USP46: variants seen among roughly 807,000 people sequenced by gnomAD.
The protein encoded by USP46 is ubiquitin specific peptidase 46.
In USP46, 12 loss-of-function variants were observed where a neutral mutation model predicts 44.4. The ratio of observed to expected loss-of-function variants is 0.27; its 90% CI spans 0.17 to 0.44. The LOEUF is 0.44. Among genes scored for constraint, USP46 ranks in the 20% least tolerant of loss-of-function variants. The pLI is 1.00. For missense variants in USP46, 248 were observed against 444.8 expected, an observed-to-expected ratio of 0.56 and a Z score of 3.98; for synonymous variants, 155 against 161.5, an observed-to-expected ratio of 0.96 and a Z score of 0.31.
rs1487292921 is a variant in USP46, at chr4:52,596,209, A to G, written c.*1431T>C. 1 of 152,646 alleles carries G rather than the reference A, an allele frequency of 6.6e-6. No homozygotes were observed. The highest frequency in any genetic ancestry group is 1.5e-5 in the Non-Finnish European group (1 of 68,048). 9.5% of individuals were successfully genotyped at this position (152,646 alleles called of 1,614,324 possible). ...ACATTTTCCATTTCAATTTTAGTTC[A>G]CATTATGCCCAAAGTTTGCATGTTC... On this transcript the variant is annotated 3_prime_UTR_variant, in exon 9 of 9. Coordinates refer to ENST00000441222, the MANE Select transcript of USP46 (RefSeq NM_022832.4).
At chr4:52,632,204 G>A (rs1044914767) in intron 1 of USP46, among the ~76,000 whole-genome samples, 4 of 152,162 alleles carry the variant, frequency 2.6e-5, no homozygotes, top group Non-Finnish European at 5.9e-5. Flanking sequence ...AGGCAGACTT[G>A]AGAGTCCACA....
At chr4:52,638,234 G>GT (rs1228453020) in intron 1 of USP46, among the ~76,000 whole-genome samples, 1 of 152,134 alleles carries the variant, frequency 6.6e-6, no homozygotes, top group Non-Finnish European at 1.5e-5. Context: ...GTGACGGGAC[G>GT]TGACAACAGA....
At chr4:52,628,286 C>G in intron 2 of USP46, 123 bp from the exon 3 acceptor site, 2 of 845,478 alleles carry the variant, frequency 2.4e-6, no homozygotes, top group East Asian at 2.7e-5. Flanking sequence ...GTATTGGAGT[C>G]CAGCTCACCA....
intron 7 of USP46, among the ~76,000 whole-genome samples, chr4:52,601,477 T>C (rs1373565146): frequency 6.6e-6 from 1 of 152,252 alleles, no homozygotes; most frequent in Admixed American, 6.5e-5. Context: ...CCATTGCTTC[T>C]AGTCTTTATT....
At chr4:52,618,969 G>A (rs893590739) in intron 4 of USP46, among the ~76,000 whole-genome samples, 3 of 152,090 alleles carry the variant, frequency 2.0e-5, no homozygotes, top group Non-Finnish European at 4.4e-5. Context: ...TGAGAAGCAC[G>A]GAAAAATCAG....
Position 52,616,819 on chromosome 4 carries a change from G to A in USP46, c.562-6202C>T, listed in dbSNP as rs553364773. Among the ~76,000 whole-genome samples the A allele has an allele frequency of 6.6e-5, 10 of 152,166 alleles. No individual in the cohort carries two copies. The East Asian group carries it at 1.7e-3, about 26-fold the overall frequency. ...CAAAATTAGAAATCAATACTATTAG[G>A]ATATATAAGAAAATCCCAAATATTT... On this transcript the variant is annotated intron_variant, in intron 4 of 8. Transcript: ENST00000441222.
In USP46 at chr4:52,597,573, G is replaced by A; in HGVS notation, c.*67C>T. On this transcript the variant is annotated 3_prime_UTR_variant, in exon 9 of 9. Transcript: ENST00000441222. ...GGGCCACTGGGGAAGAGGAAAGCCTGCGGAGAAGCCGGGTGACAGTGCTGT... is the reference window on the plus strand; with the variant it reads ...GGGCCACTGGGGAAGAGGAAAGCCTACGGAGAAGCCGGGTGACAGTGCTGT... 1 of 1,124,546 alleles carries A rather than the reference G, an allele frequency of 8.9e-7. No homozygotes were observed. Among genetic ancestry groups the A allele is most frequent in the Non-Finnish European group, 1.3e-6 (1 of 769,696 alleles). The allele number at this position is 1,124,546 out of a possible 1,614,324, so 69.7% of individuals were successfully genotyped here. A position where few individuals can be genotyped will look rare whatever the true frequency, so the allele number is the denominator to read the frequency against.
chr4:52,610,697 G>C (rs778915191), intron 4 of USP46, 80 bp from the exon 5 acceptor site: 1 of 1,333,464 alleles, frequency 7.5e-7, no homozygotes, highest in African/African-American at 1.4e-5. Context: ...GGTAATCACC[G>C]ACTGCAATAA....
intron 2 of USP46, chr4:52,629,812 C>T (rs1309190856): frequency 2.3e-6 from 1 of 440,390 alleles, no homozygotes; most frequent in South Asian, 1.6e-5. Context: ...CATTATGACC[C>T]CCACTTTACA....
intron 2 of USP46, among the ~76,000 whole-genome samples, chr4:52,629,953 G>C (rs1045888280): frequency 5.3e-5 from 8 of 152,130 alleles, no homozygotes; most frequent in Admixed American, 1.3e-4. Context: ...TTATATCATG[G>C]GCAGCATTTA....
At chr4:52,609,847 A>G (rs1253278123) in intron 5 of USP46, among the ~76,000 whole-genome samples, 10 of 136,040 alleles carry the variant, frequency 7.4e-5, no homozygotes, top group African/African-American at 2.8e-4. Context: ...CAACATACAC[A>G]TTTCTCCAGG....
chr4:52,658,664 A>C (rs1719051071), intron 1 of USP46, among the ~76,000 whole-genome samples: 1 of 152,214 alleles, frequency 6.6e-6, no homozygotes, highest in Admixed American at 6.5e-5. Flanking sequence ...TGCAAAGTGA[A>C]TTTTAAACAC....
At chr4:52,616,400 T>C (rs1009668257) in intron 4 of USP46, among the ~76,000 whole-genome samples, 1 of 151,830 alleles carries the variant, frequency 6.6e-6, no homozygotes, top group African/African-American at 2.4e-5. Context: ...TGAGACGGAG[T>C]CTTGCTTTGT....
intron 5 of USP46, among the ~76,000 whole-genome samples, chr4:52,607,651 G>C (rs1184331271): frequency 6.6e-6 from 1 of 152,078 alleles, no homozygotes; most frequent in Non-Finnish European, 1.5e-5. Flanking sequence ...GGATCACGGG[G>C]GCAGAATTCT....
At position 52,597,622 on chromosome 4, in the gene USP46, G is replaced by C; in HGVS notation, c.*18C>G. On this transcript the variant is annotated 3_prime_UTR_variant, in exon 9 of 9. Coordinates refer to ENST00000441222, the MANE Select transcript of USP46 (RefSeq NM_022832.4). ...GTGAACATTCTCCCCACGTGAATCA[G>C]TCCCGCAGGTCTTTCAGTTACTCTC... The C allele has an allele frequency of 2.0e-6, 3 of 1,526,614 alleles. No individual in the cohort carries two copies. The highest frequency in any genetic ancestry group is 2.7e-6 in the Non-Finnish European group (3 of 1,119,934). 94.6% of individuals were successfully genotyped at this position (1,526,614 alleles called of 1,614,324 possible).
chr4:52,658,922 C>T (rs1719063530), intron 1 of USP46, among the ~76,000 whole-genome samples, 193 bp downstream of exon 1: 1 of 151,344 alleles, frequency 6.6e-6, no homozygotes, highest in Admixed American at 6.6e-5. Context: ...AGACGGGCGC[C>T]GGGGGCTCGG....
intron 1 of USP46, among the ~76,000 whole-genome samples, chr4:52,632,918 G>GAGAAAGAAAGAAAGAGAGAA (rs1717900873): frequency 2.8e-5 from 1 of 35,176 alleles, no homozygotes; most frequent in African/African-American, 8.0e-5. Flanking sequence ...AAGAAAGAAA[G>GAGAAAGAAAGAAAGAGAGAA]AGAAAGAAAG....
At chr4:52,610,754 G>T (rs1716907804) in intron 4 of USP46, 137 bp from the exon 5 acceptor site, 1 of 706,908 alleles carries the variant, frequency 1.4e-6, no homozygotes, top group East Asian at 2.7e-5. Context: ...TATACTCATT[G>T]GCACCCAGTT....
At chr4:52,609,989 G>A (rs1416329515) in intron 5 of USP46, among the ~76,000 whole-genome samples, 5 of 115,484 alleles carry the variant, frequency 4.3e-5, no homozygotes, top group Admixed American at 1.2e-4. Context: ...GCAGTGGCGC[G>A]ATCTCGACTC....
Sources: allele counts gnomAD v4.1 joint callset (sites outside exome capture counted in the v4.1 genomes callset), GRCh38; gene constraint gnomAD v4.1.1; transcripts MANE v1.5; gene names NCBI Gene and HGNC (gene_info 2026-07-23, HGNC 2026-07-21).